Variants in NR5A2 observed in about 807,000 individuals in gnomAD.
NR5A2 encodes the protein nuclear receptor subfamily 5 group A member 2.
A neutral mutation model predicts 62.7 loss-of-function variants in NR5A2; 26 were observed. That is an observed-to-expected ratio of 0.41 (90% CI 0.30 to 0.58). The LOEUF is 0.58. Among genes scored for constraint, NR5A2 ranks in the 20% least tolerant of loss-of-function variants. The pLI is 0.22. For synonymous variants in NR5A2, 246 were observed against 241.7 expected (o/e 1.02, Z -0.16); for missense variants, 541 against 669.1 (o/e 0.81, Z 2.11).
rs138088485 is a variant in NR5A2 at position 200,102,805 on chromosome 1, T to C, written c.1111-8397T>C. ...CCAAATCCATTAATGCAGGTTAACATATTACAAAAGGTTACATGAATATAG... is the reference window on the plus strand; with the variant it reads ...CCAAATCCATTAATGCAGGTTAACACATTACAAAAGGTTACATGAATATAG... On this transcript the variant is annotated intron_variant, in intron 5 of 7. Transcript: ENST00000367362. 4.2e-3 allele frequency among the ~76,000 whole-genome samples: 633 copies of C among 152,312 alleles called. 2 individuals carry two copies. The highest frequency in any genetic ancestry group is 0.015 in the African/African-American group (608 of 41,568).
chr1:200,168,191 T>C lies in NR5A2; in HGVS notation c.1379-5772T>C, dbSNP rs142429639. On this transcript the variant is annotated intron_variant, in intron 7 of 7. Transcript: ENST00000367362. ...CTGTTATTTCTGTGTACATATATAGTATATACACTTTATATCTACTTTTTT... is the reference window on the plus strand; with the variant it reads ...CTGTTATTTCTGTGTACATATATAGCATATACACTTTATATCTACTTTTTT... Among the ~76,000 whole-genome samples the C allele has an allele frequency of 4.6e-5, 7 of 151,748 alleles. No homozygotes were observed. In the East Asian group the frequency reaches 7.7e-4, roughly 17 times the overall value.
At chr1:200,041,700 C>T (rs923208156) in intron 2 of NR5A2, among the ~76,000 whole-genome samples, 1 of 152,210 alleles carries the variant, frequency 6.6e-6, no homozygotes. Context: ...CAAACGCCTA[C>T]TTCGGCTGCA....
At chr1:200,171,219 A>C (rs555656966) in intron 7 of NR5A2, among the ~76,000 whole-genome samples, 14 of 152,338 alleles carry the variant, frequency 9.2e-5, no homozygotes, top group Non-Finnish European at 1.6e-4. Flanking sequence ...GGCAAGTAAG[A>C]ATCTTTGGGA....
At chr1:200,062,521 A>G (rs1476123401) in intron 5 of NR5A2, among the ~76,000 whole-genome samples, 1 of 152,218 alleles carries the variant, frequency 6.6e-6, no homozygotes, top group East Asian at 1.9e-4. Flanking sequence ...ATTTCCCCTT[A>G]TAAAATAATG....
intron 5 of NR5A2, among the ~76,000 whole-genome samples, chr1:200,074,877 C>A (rs1219633720): frequency 2.0e-5 from 3 of 147,284 alleles, no homozygotes; most frequent in Non-Finnish European, 4.4e-5. Flanking sequence ...TCATGATAGA[C>A]TGAATGATTA....
At position 200,048,833 on chromosome 1, in the gene NR5A2, A is replaced by G. The variant is rs760951395; in HGVS notation, c.1110+15A>G. 39 of 1,611,256 alleles carry G rather than the reference A, an allele frequency of 2.4e-5. No individual in the cohort carries two copies. In the Admixed American group the frequency reaches 6.3e-4, roughly 26 times the overall value. ...GAGAACTTAAGGTATGCCACCAGCT[A>G]TTACAACTTACAGCACCCCTTTTAA... is the stretch of plus-strand genomic sequence containing the variant. On this transcript the variant is annotated intron_variant, in intron 5 of 7. Coordinates refer to ENST00000367362, the MANE Select transcript of NR5A2 (RefSeq NM_205860.3). The surrounding 1 kb of genome is among the most constrained non-coding windows in gnomAD (Gnocchi z 4.8).
chr1:200,102,014 C>T (rs1665395455), intron 5 of NR5A2, among the ~76,000 whole-genome samples: 1 of 152,130 alleles, frequency 6.6e-6, no homozygotes, highest in African/African-American at 2.4e-5. Flanking sequence ...CTGTAAACCT[C>T]AAAGATGTCA....
chr1:200,058,583 C>T (rs1244951821), intron 5 of NR5A2, among the ~76,000 whole-genome samples: 6 of 151,740 alleles, frequency 4.0e-5, no homozygotes, highest in Admixed American at 1.3e-4. Context: ...CCGGTTCAAG[C>T]GATTCTCCTC....
chr1:200,147,829 C>A lies in NR5A2; in HGVS notation c.1379-26134C>A, dbSNP rs1667783142. 2 of 470,440 alleles carry A rather than the reference C, an allele frequency of 4.3e-6. No individual in the cohort carries two copies. The highest frequency in any genetic ancestry group is 2.0e-5 in the African/African-American group (1 of 49,752). 29.1% of individuals were successfully genotyped at this position (470,440 alleles called of 1,614,324 possible). A position where few individuals can be genotyped will look rare whatever the true frequency, so the allele number is the denominator to read the frequency against. ...GGCGTCCAGCACCAGGTCCTGGCTG[C>A]AGCCATTGGTGAGCAGTATGGCCAC... On this transcript the variant is annotated intron_variant, in intron 7 of 7. Coordinates refer to ENST00000367362, the MANE Select transcript of NR5A2 (RefSeq NM_205860.3). This position sits in a 1 kb window ranked among gnomAD's most constrained non-coding sequence, Gnocchi z 4.9.
rs117948112 is a variant in NR5A2, at chr1:200,083,111, A to G, written c.1111-28091A>G. 2.5e-3 allele frequency among the ~76,000 whole-genome samples: 382 copies of G among 152,314 alleles called. 12 individuals carry two copies. In the East Asian group the frequency reaches 0.066, roughly 26 times the overall value. On this transcript the variant is annotated intron_variant, in intron 5 of 7. Coordinates refer to ENST00000367362, the MANE Select transcript of NR5A2 (RefSeq NM_205860.3). Reference sequence around the variant, plus strand: ...TTCTAATAGTAAGGTTAAGCAAGACAATGGGTTACAGATATCAAACTATCA... The same window carrying G: ...TTCTAATAGTAAGGTTAAGCAAGACGATGGGTTACAGATATCAAACTATCA...
At chr1:200,107,216 G>C (rs1406797044) in intron 5 of NR5A2, among the ~76,000 whole-genome samples, 1 of 152,008 alleles carries the variant, frequency 6.6e-6, no homozygotes, top group Non-Finnish European at 1.5e-5. Context: ...TATGTTGTGG[G>C]CTAGATGCAC....
intron 5 of NR5A2, 125 bp from the exon 6 acceptor site, chr1:200,111,077 T>C (rs962231384): frequency 1.9e-6 from 2 of 1,063,126 alleles, no homozygotes; most frequent in Non-Finnish European, 2.6e-6. Context: ...TCAGTGACCA[T>C]GGGTGGAGAC....
Position 200,071,823 on chromosome 1 carries a change from A to G in NR5A2, c.1110+23005A>G, listed in dbSNP as rs10919807. On this transcript the variant is annotated intron_variant, in intron 5 of 7. Coordinates refer to ENST00000367362, the MANE Select transcript of NR5A2 (RefSeq NM_205860.3). ...TGTGTTACTCAGTATTTCTCTGCTC[A>G]GAGACAGAACCAATTATAATATTTA... is the stretch of plus-strand genomic sequence containing the variant. 5.1e-3 allele frequency among the ~76,000 whole-genome samples: 778 copies of G among 152,334 alleles called. 7 individuals carry two copies. The highest frequency in any genetic ancestry group is 0.018 in the African/African-American group (749 of 41,580).
chr1:200,094,246 G>A (rs9660564), intron 5 of NR5A2, among the ~76,000 whole-genome samples: 46,180 of 145,178 alleles, frequency 0.32, 7,863 homozygotes, highest in East Asian at 0.55. Flanking sequence ...GTGCAGTGAC[G>A]CCATCTCTGT....
At chr1:200,151,993 T>G (rs1571563596) in intron 7 of NR5A2, among the ~76,000 whole-genome samples, 1 of 152,370 alleles carries the variant, frequency 6.6e-6, no homozygotes, top group East Asian at 1.9e-4. Context: ...TTTTATTCTC[T>G]TTCCAAGCAC....
intron 1 of NR5A2, among the ~76,000 whole-genome samples, chr1:200,030,827 G>T (rs1661521599): frequency 6.6e-6 from 1 of 152,090 alleles, no homozygotes; most frequent in East Asian, 1.9e-4. Context: ...CATACTTAGG[G>T]GTACATGATA....
chr1:200,135,461 C>T (rs1020222958), intron 7 of NR5A2, among the ~76,000 whole-genome samples: 5 of 151,274 alleles, frequency 3.3e-5, no homozygotes, highest in South Asian at 2.1e-4. Context: ...GTGGAGGTTG[C>T]GGCAAGCCAA....
At chr1:200,029,086 T>C (rs1200229491) in intron 1 of NR5A2, 1 of 446,480 alleles carries the variant, frequency 2.2e-6, no homozygotes, top group Admixed American at 2.4e-5. Context: ...CACAACCATT[T>C]CGCATCTTTT....
intron 2 of NR5A2, among the ~76,000 whole-genome samples, chr1:200,041,284 C>G (rs1480922829): frequency 6.6e-6 from 1 of 152,188 alleles, no homozygotes; most frequent in Non-Finnish European, 1.5e-5. Flanking sequence ...CGAGAGGGGT[C>G]TTCTGGACAC....
Sources: allele counts gnomAD v4.1 joint callset (sites outside exome capture counted in the v4.1 genomes callset), GRCh38; gene constraint gnomAD v4.1.1; non-coding constraint Gnocchi (gnomAD v3.1); transcripts MANE v1.5; gene names NCBI Gene and HGNC (gene_info 2026-07-23, HGNC 2026-07-21).